The following USP7 variants were observed in gnomAD, a reference collection of about 807,000 sequenced individuals.
USP7 encodes the protein ubiquitin specific peptidase 7, also known as ubiquitin C-terminal hydrolase 7.
A neutral mutation model predicts 162.9 loss-of-function variants in USP7; 9 were observed. That is an observed-to-expected ratio of 0.06 (90% CI 0.03 to 0.10). The LOEUF (loss-of-function observed/expected upper bound fraction) is 0.10, where lower values mean the gene tolerates loss of function less well. Among genes scored for constraint, USP7 ranks in the 10% least tolerant of loss-of-function variants. The pLI, the probability that USP7 is intolerant of heterozygous loss-of-function variation, is 1.00. For missense variants in USP7, 715 were observed against 1,373.7 expected (o/e 0.52, Z 7.58); for synonymous variants, 562 against 475.9 (o/e 1.18, Z -2.35).
chr16:8,925,279 A>AT (rs1897928002), intron 2 of USP7, among the ~76,000 whole-genome samples: 1 of 152,232 alleles, frequency 6.6e-6, no homozygotes, highest in African/African-American at 2.4e-5. Flanking sequence ...GGAAGTTACC[A>AT]TAACACACAC....
At chr16:8,895,181 T>A (rs766903386) in intron 27 of USP7, 31 bp from the exon 28 acceptor site, 85 of 1,613,944 alleles carry the variant, frequency 5.3e-5, no homozygotes, top group Non-Finnish European at 7.2e-5. Context: ...CACAGTTCTG[T>A]AAGTGCAAGT....
chr16:8,940,197 G>A lies in USP7; in HGVS notation c.80-9800C>T, dbSNP rs190997939. 4.5e-3 allele frequency among the ~76,000 whole-genome samples: 686 copies of A among 152,278 alleles called. 2 individuals carry two copies. The highest frequency in any genetic ancestry group is 7.7e-3 in the Non-Finnish European group (527 of 68,024). ...TCTGTCCTGTGGCTCCCATCCTGCT[G>A]CCTATCTACGCATCCTATAGCCAGG... On this transcript the variant is annotated intron_variant, in intron 1 of 30. Coordinates refer to ENST00000344836, the MANE Select transcript of USP7 (RefSeq NM_003470.3).
intron 11 of USP7, among the ~76,000 whole-genome samples, chr16:8,910,485 G>C (rs1175302770): frequency 2.0e-5 from 3 of 152,104 alleles, no homozygotes; most frequent in Admixed American, 1.3e-4. Flanking sequence ...GGTGAGGAAC[G>C]GGGAAAGGAC....
At chr16:8,908,982 AGGGCAC>A (rs776507510) in intron 11 of USP7, among the ~76,000 whole-genome samples, 1 of 152,234 alleles carries the variant, frequency 6.6e-6, no homozygotes, top group Non-Finnish European at 1.5e-5. Context: ...CATATATCAC[AGGGCAC>A]GCCCTTAGGG....
At position 8,963,297 on chromosome 16, in the gene USP7, C is replaced by G; in HGVS notation, c.-12G>C. On this transcript the variant is annotated 5_prime_UTR_variant, in exon 1 of 31. Coordinates refer to ENST00000344836, the MANE Select transcript of USP7 (RefSeq NM_003470.3). The stretch of plus-strand genomic sequence containing the variant: ...TGCTGGTGGTTCATGTCGGCCGCGG[C>G]CTGGGCCTCGCCTGCGGCCGGGGGC... The G allele has an allele frequency of 8.1e-7, 1 of 1,231,648 alleles. No homozygotes were observed. The highest frequency in any genetic ancestry group is 1.0e-6 in the Non-Finnish European group (1 of 962,420). 76.3% of individuals were successfully genotyped at this position (1,231,648 alleles called of 1,614,324 possible). A position where few individuals can be genotyped will look rare whatever the true frequency, so the allele number is the denominator to read the frequency against.
At chr16:8,931,652 AGTTACCACT>A (rs1460269165) in intron 1 of USP7, among the ~76,000 whole-genome samples, 2 of 152,282 alleles carry the variant, frequency 1.3e-5, no homozygotes, top group African/African-American at 4.8e-5. Flanking sequence ...AAACATTTTA[AGTTACCACT>A]GGTAAATAAG....
intron 1 of USP7, among the ~76,000 whole-genome samples, chr16:8,940,618 C>A (rs530889273): frequency 6.6e-6 from 1 of 152,198 alleles, no homozygotes; most frequent in African/African-American, 2.4e-5. Context: ...GAAACAGGGA[C>A]GATGGTGGCA....
chr16:8,902,334 C>G (rs746119095), intron 17 of USP7, 47 bp downstream of exon 17: 1 of 1,590,924 alleles, frequency 6.3e-7, no homozygotes, highest in Non-Finnish European at 8.6e-7. Flanking sequence ...AGAGGACTAA[C>G]GCCTTCTGCA....
chr16:8,914,157 C>T (rs528334809), intron 10 of USP7, among the ~76,000 whole-genome samples: 3 of 152,136 alleles, frequency 2.0e-5, no homozygotes, highest in South Asian at 4.1e-4. Flanking sequence ...AGGAAGACAT[C>T]CAAATTGCCA....
intron 2 of USP7, among the ~76,000 whole-genome samples, chr16:8,924,760 C>G (rs2141218442): frequency 6.6e-6 from 1 of 152,328 alleles, no homozygotes; most frequent in African/African-American, 2.4e-5. Context: ...ATCAGTCCTC[C>G]TGGGAGGGTA....
chr16:8,905,247 G>C lies in USP7; in HGVS notation c.1513C>G (p.Leu505Val). 1 of 1,614,218 alleles carries C rather than the reference G, an allele frequency of 6.2e-7. No homozygotes were observed. The highest frequency in any genetic ancestry group is 8.5e-7 in the Non-Finnish European group (1 of 1,180,036). The change falls in exon 14 of 31, where the codon CTG becomes GTG. Residue 505 changes from leucine to valine, a missense_variant. By Grantham distance (32) the Leu-to-Val change is conservative. Transcript: ENST00000344836. ...EHNYGGHDDD[L>V]SVRHCTNAYM... ...GCATTAGTGCAGTGTCGAACAGACA[G>C]GTCGTCATCGTGACCCCCATAATTG...
In USP7 at chr16:8,898,014, C is replaced by T. The variant is rs138453954; in HGVS notation, c.2718+346G>A. On this transcript the variant is annotated intron_variant, in intron 25 of 30. Coordinates refer to ENST00000344836, the MANE Select transcript of USP7 (RefSeq NM_003470.3). ...GTAAGCGCAGAGTCATGGACTGCTC[C>T]GTTCACAGGCCTGCTGGACTCCCTG... Among the ~76,000 whole-genome samples the T allele has an allele frequency of 2.0e-5, 3 of 152,104 alleles. No individual in the cohort carries two copies. In the East Asian group the frequency reaches 5.8e-4, roughly 29 times the overall value.
Position 8,897,112 on chromosome 16 carries a change from A to T in USP7, c.2719-13T>A. ...ATAGTGTTATTTCCTAAGTAATGAA[A>T]AGATAAAATAAGTGCTTTCAAGAAA... On this transcript the variant is annotated splice_polypyrimidine_tract_variant and intron_variant, in intron 25 of 30. Coordinates refer to ENST00000344836, the MANE Select transcript of USP7 (RefSeq NM_003470.3). 1.3e-6 allele frequency: 2 copies of T among 1,582,964 alleles called. No homozygotes were observed. Among genetic ancestry groups the T allele is most frequent in the Non-Finnish European group, 1.7e-6 (2 of 1,153,038 alleles).
chr16:8,958,503 C>T (rs762330474), intron 1 of USP7, among the ~76,000 whole-genome samples: 1 of 152,200 alleles, frequency 6.6e-6, no homozygotes, highest in Non-Finnish European at 1.5e-5. Flanking sequence ...AGGCTGGAAG[C>T]AGGACCAAGA....
chr16:8,929,344 G>C, intron 2 of USP7: 1 of 380,170 alleles, frequency 2.6e-6, no homozygotes, highest in Non-Finnish European at 5.2e-6. Flanking sequence ...TAACAAAGCA[G>C]CGGGTTTAGA....
In USP7 at chr16:8,910,839, G is replaced by A; in HGVS notation, c.1079-12C>T. On this transcript the variant is annotated splice_polypyrimidine_tract_variant and intron_variant, in intron 10 of 30. Coordinates refer to ENST00000344836, the MANE Select transcript of USP7 (RefSeq NM_003470.3). ...AAATGATTCAAATACTTTAAAGAGA[G>A]AGAGAGAAAAGTCAAGTGCTAAAGC... is the stretch of plus-strand genomic sequence containing the variant. 2.5e-6 allele frequency: 4 copies of A among 1,611,182 alleles called. No individual in the cohort carries two copies. The highest frequency in any genetic ancestry group is 2.2e-5 in the East Asian group (1 of 44,858).
intron 13 of USP7, among the ~76,000 whole-genome samples, chr16:8,905,828 T>A (rs2061850670): frequency 6.6e-6 from 1 of 152,226 alleles, no homozygotes; most frequent in South Asian, 2.1e-4. Context: ...TATCTTCCCA[T>A]CTGCGTTGTG....
chr16:8,908,912 AT>A (rs1356035214), intron 11 of USP7, among the ~76,000 whole-genome samples: 1 of 152,248 alleles, frequency 6.6e-6, no homozygotes, highest in East Asian at 1.9e-4. Flanking sequence ...AACACAACTG[AT>A]GAGTCGGCAG....
rs148276169 is a variant in USP7, at chr16:8,951,563, G to C, written c.79+11644C>G. 3.2e-4 allele frequency among the ~76,000 whole-genome samples: 48 copies of C among 152,302 alleles called. 1 individual carries two copies. The South Asian group carries it at 9.1e-3, about 29-fold the overall frequency. ...CTATTTGCTCATCTGTAAATGCAGA[G>C]GGCTTGTGGGCATGAGGATGACTGA... On this transcript the variant is annotated intron_variant, in intron 1 of 30. Coordinates refer to ENST00000344836, the MANE Select transcript of USP7 (RefSeq NM_003470.3).
Sources: allele counts gnomAD v4.1 joint callset (sites outside exome capture counted in the v4.1 genomes callset), GRCh38; gene constraint gnomAD v4.1.1; transcripts MANE v1.5; gene names NCBI Gene and HGNC (gene_info 2026-07-23, HGNC 2026-07-21).